NBPF26: variants seen among roughly 807,000 people sequenced by gnomAD.
NBPF26 encodes the protein NBPF member 26, also known as NBPF family member NBPF26.
NBPF26 carries 79 observed loss-of-function variants against 119.6 expected under a neutral mutation model. The ratio of observed to expected loss-of-function variants is 0.66; its 90% CI spans 0.55 to 0.80. The LOEUF is 0.80. Among genes scored for constraint, NBPF26 ranks in the 30% least tolerant of loss-of-function variants. NBPF26 has a pLI of 0.00. For missense variants in NBPF26, 800 were observed against 1,198.2 expected (o/e 0.67, Z 4.91); for synonymous variants, 299 against 457.7 (o/e 0.65, Z 4.43).
intron 2 of NBPF26, among the ~76,000 whole-genome samples, chr1:120,770,504 G>A (rs1157934425): frequency 8.6e-6 from 1 of 115,854 alleles, no homozygotes; most frequent in Non-Finnish European, 1.6e-5. Flanking sequence ...ATAGACTTAA[G>A]TTTGAGTCCT....
At chr1:120,763,571 T>TGTCTGAG (rs1651156293) in intron 1 of NBPF26, 57 bp from the exon 2 acceptor site, 1 of 729,774 alleles carries the variant, frequency 1.4e-6, no homozygotes, top group Non-Finnish European at 2.2e-6. Flanking sequence ...ACTTCTTTGG[T>TGTCTGAG]GTCTGAGGGT....
chr1:120,768,661 T>C (rs1651222535), intron 2 of NBPF26, among the ~76,000 whole-genome samples: 2 of 103,866 alleles, frequency 1.9e-5, no homozygotes, highest in Admixed American at 1.9e-4. Flanking sequence ...GCTTCGCTTT[T>C]TCTGAGGCTT....
chr1:120,811,524 G>A lies in NBPF26; in HGVS notation c.1565-362G>A, dbSNP rs1182628651. Among the ~76,000 whole-genome samples the A allele has an allele frequency of 3.5e-5, 4 of 113,052 alleles. 1 individual carries two copies. Among genetic ancestry groups the A allele is most frequent in the South Asian group, 2.5e-4 (1 of 4,034 alleles). The allele number at this position is 113,052 out of a possible 152,430, so 74.2% of individuals were successfully genotyped here. A position where few individuals can be genotyped will look rare whatever the true frequency, so the allele number is the denominator to read the frequency against. ...TGTGCCTCTGCACTGCAGCCTGCGC[G>A]ACAGAGTGAGACTCCGTCTCAAACA... On this transcript the variant is annotated intron_variant, in intron 9 of 29. Transcript: ENST00000620612.
At chr1:120,825,309 T>C (rs1652238751) in intron 18 of NBPF26, among the ~76,000 whole-genome samples, 1 of 122,446 alleles carries the variant, frequency 8.2e-6, no homozygotes, top group African/African-American at 4.6e-5. Flanking sequence ...CCTCTCTCTC[T>C]CTCTCCCTCT....
chr1:120,806,595 A>G (rs1310599732), intron 5 of NBPF26, among the ~76,000 whole-genome samples: 1 of 125,616 alleles, frequency 8.0e-6, no homozygotes, highest in African/African-American at 3.8e-5. Flanking sequence ...TCGTCAAAAA[A>G]CAAACAAACA....
rs1351809735 is a variant in NBPF26 at position 120,791,485 on chromosome 1, A to G, written c.416-1676A>G. Among the ~76,000 whole-genome samples the G allele has an allele frequency of 2.2e-5, 2 of 92,826 alleles. 1 individual carries two copies. Among genetic ancestry groups the G allele is most frequent in the Non-Finnish European group, 3.9e-5 (2 of 51,316 alleles). The allele number at this position is 92,826 out of a possible 152,430, so 60.9% of individuals were successfully genotyped here. ...TTCAGCCATAAAAAAGGATGAGTTCATGTCCTTTGTAGGGACATGGATGAA... is the reference window on the plus strand; with the variant it reads ...TTCAGCCATAAAAAAGGATGAGTTCGTGTCCTTTGTAGGGACATGGATGAA... On this transcript the variant is annotated intron_variant, in intron 3 of 29. Coordinates refer to ENST00000620612, the Ensembl canonical transcript of NBPF26.
intron 4 of NBPF26, among the ~76,000 whole-genome samples, chr1:120,794,418 A>C (rs1651534286): frequency 8.7e-6 from 1 of 115,274 alleles, no homozygotes; most frequent in Non-Finnish European, 1.7e-5. Context: ...GTTTTTATAC[A>C]AATATCCTTA....
At chr1:120,814,550 C>T (rs1651960042) in intron 11 of NBPF26, among the ~76,000 whole-genome samples, 1 of 118,840 alleles carries the variant, frequency 8.4e-6, no homozygotes, top group Non-Finnish European at 1.7e-5. Flanking sequence ...GAAAGGATGT[C>T]TTTTTGAAAG....
rs1260158195 is a variant in NBPF26, at chr1:120,791,487, G to A, written c.416-1674G>A. Among the ~76,000 whole-genome samples the A allele has an allele frequency of 1.7e-3, 153 of 91,826 alleles. 25 individuals carry two copies. In the South Asian group the frequency reaches 0.017, roughly 10 times the overall value. The allele number at this position is 91,826 out of a possible 152,430, so 60.2% of individuals were successfully genotyped here. A position where few individuals can be genotyped will look rare whatever the true frequency, so the allele number is the denominator to read the frequency against. ...CAGCCATAAAAAAGGATGAGTTCAT[G>A]TCCTTTGTAGGGACATGGATGAAGC... On this transcript the variant is annotated intron_variant, in intron 3 of 29. Transcript: ENST00000620612.
chr1:120,806,517 C>A (rs1198470760), intron 5 of NBPF26, among the ~76,000 whole-genome samples: 4 of 123,568 alleles, frequency 3.2e-5, no homozygotes, highest in South Asian at 4.9e-4. Context: ...CCTTTGAACC[C>A]AGCAGGCAGA....
intron 23 of NBPF26, among the ~76,000 whole-genome samples, chr1:120,833,380 T>TCTCTGC (rs1652402987): frequency 1.3e-5 from 1 of 77,692 alleles, no homozygotes; most frequent in Non-Finnish European, 2.2e-5. Flanking sequence ...TCTGTCTCTG[T>TCTCTGC]CTCTCTCTCT....
chr1:120,819,307 C>CT lies in NBPF26; in HGVS notation c.2423+1141dup, dbSNP rs1203322171. ...CAGAGACTAGGATTGCAACCCCTGCCTTTTTTTTGTTTTCCATTTGCTTGG... is the reference window on the plus strand; with the variant it reads ...CAGAGACTAGGATTGCAACCCCTGCCTTTTTTTTTGTTTTCCATTTGCTTGG... On this transcript the variant is annotated intron_variant, in intron 15 of 29. Coordinates refer to ENST00000620612, the Ensembl canonical transcript of NBPF26. 1.6e-4 allele frequency among the ~76,000 whole-genome samples: 18 copies of CT among 112,954 alleles called. 3 individuals are homozygous for CT. The highest frequency in any genetic ancestry group is 5.2e-4 in the South Asian group (2 of 3,848). 74.1% of individuals were successfully genotyped at this position (112,954 alleles called of 152,430 possible).
At chr1:120,784,219 T>A (rs2101452620) in intron 2 of NBPF26, among the ~76,000 whole-genome samples, 1 of 118,882 alleles carries the variant, frequency 8.4e-6, no homozygotes, top group Non-Finnish European at 1.6e-5. Context: ...CAAACTTTAT[T>A]AATACAGTAG....
At chr1:120,808,484 A>G (rs1472920062) in intron 6 of NBPF26, 61 bp from the exon 7 acceptor site, 4 of 1,038,238 alleles carry the variant, frequency 3.9e-6, no homozygotes, top group African/African-American at 2.5e-5. Context: ...CTCTGTTGCA[A>G]TATTTGAACG....
rs1191421533 is a variant in NBPF26, at chr1:120,755,981, G to A, written c.74-7647G>A. On this transcript the variant is annotated intron_variant, in intron 1 of 29. Coordinates refer to ENST00000620612, the Ensembl canonical transcript of NBPF26. ...CCTTTCAATCAAGACAAATTTCAAG[G>A]AGGAAGACAGATGTTTCTCCACTTC... 1.8e-5 allele frequency among the ~76,000 whole-genome samples: 2 copies of A among 109,406 alleles called. 1 individual carries two copies. Among genetic ancestry groups the A allele is most frequent in the Non-Finnish European group, 3.4e-5 (2 of 58,530 alleles). The allele number at this position is 109,406 out of a possible 152,430, so 71.8% of individuals were successfully genotyped here.
At chr1:120,785,104 T>C in exon 3 of NBPF26, 7 of 1,445,560 alleles carry the variant, frequency 4.8e-6, no homozygotes, top group Non-Finnish European at 6.5e-6. Context: ...TGCCTCAGGG[T>C]TTACAGGAGA....
At position 120,766,062 on chromosome 1, in the gene NBPF26, A is replaced by G. The variant is rs1408253836; in HGVS notation, c.155+2353A>G. Among the ~76,000 whole-genome samples, 4 of 38,590 alleles carry G rather than the reference A, an allele frequency of 1.0e-4. 1 individual carries two copies. Among genetic ancestry groups the G allele is most frequent in the Non-Finnish European group, 1.9e-4 (4 of 21,308 alleles). The allele number at this position is 38,590 out of a possible 152,430, so 25.3% of individuals were successfully genotyped here. A position where few individuals can be genotyped will look rare whatever the true frequency, so the allele number is the denominator to read the frequency against. On this transcript the variant is annotated intron_variant, in intron 2 of 29. Transcript: ENST00000620612. ...CTTAAAACCTGGATGACGGGTTGAT[A>G]GGTGCAGCAAACCACCATGGCACAT...
chr1:120,825,314 C>T (rs1571046124), intron 18 of NBPF26, among the ~76,000 whole-genome samples, 200 bp from the exon 20 acceptor site: 1 of 122,530 alleles, frequency 8.2e-6, no homozygotes, highest in East Asian at 2.1e-4. Context: ...CTCTCTCTCT[C>T]CCTCTCCCTG....
chr1:120,820,459 T>A (rs1385867534), intron 15 of NBPF26, among the ~76,000 whole-genome samples: 10 of 16,874 alleles, frequency 5.9e-4, no homozygotes, highest in East Asian at 1.3e-3. Context: ...TATATATATA[T>A]ATATATATAT....
Sources: allele counts gnomAD v4.1 joint callset (sites outside exome capture counted in the v4.1 genomes callset), GRCh38; gene constraint gnomAD v4.1.1; transcripts MANE v1.5; gene names NCBI Gene and HGNC (gene_info 2026-07-23, HGNC 2026-07-21).